Variants in ATP2B2 observed in about 807,000 individuals in gnomAD.
ATP2B2 encodes plasma membrane calcium-transporting ATPase 2.
In ATP2B2, 15 loss-of-function variants were observed where a neutral mutation model predicts 120.0. The ratio of observed to expected loss-of-function variants is 0.12; its 90% CI spans 0.08 to 0.19. The LOEUF is 0.19. Ranked by LOEUF, ATP2B2 falls within the 10% of genes least tolerant of loss-of-function variation. The probability of loss-of-function intolerance (pLI) is 1.00; values close to 1 mark genes in which losing one functional copy is unlikely to be tolerated. For synonymous variants in ATP2B2, 694 were observed against 700.3 expected (o/e 0.99, Z 0.14); for missense variants, 1,045 against 1,719.8 (o/e 0.61, Z 6.94).
At chr3:10,475,451 T>C (rs1003645934) in intron 1 of ATP2B2, among the ~76,000 whole-genome samples, 17 of 152,222 alleles carry the variant, frequency 1.1e-4, no homozygotes, top group African/African-American at 3.9e-4. Context: ...GGATGATTTA[T>C]TGAGCACCTA....
At chr3:10,338,000 T>A (rs1210579652) in intron 22 of ATP2B2, among the ~76,000 whole-genome samples, 176 bp downstream of exon 22, 1 of 152,148 alleles carries the variant, frequency 6.6e-6, no homozygotes, top group Non-Finnish European at 1.5e-5. Context: ...GTGCTGTTCC[T>A]TAGCAGCCAC....
At chr3:10,556,768 ATTCT>A (rs2067788792) in intron 2 of ATP2B2, among the ~76,000 whole-genome samples, 1 of 152,204 alleles carries the variant, frequency 6.6e-6, no homozygotes, top group Non-Finnish European at 1.5e-5. Context: ...CTATTTATGT[ATTCT>A]TTCTTATTTT....
rs1352623102 is a variant in ATP2B2 at position 10,410,778 on chromosome 3, C to T, written c.237G>A (p.Lys79=). The change falls in exon 3 of 23, where the codon AAG becomes AAA. Residue 79 remains lysine (K), a synonymous_variant. Transcript: ENST00000360273. ...GTATAAAGTTTTGCCCAAAAATTTG[C>T]TTTCTCTTTTCCAGGTCTGGAGCGG... is the stretch of plus-strand genomic sequence containing the variant. ...PGTAPDLEKR[K]QIFGQNFIPP... 2.5e-6 allele frequency: 4 copies of T among 1,614,156 alleles called. No individual in the cohort carries two copies. Among genetic ancestry groups the T allele is most frequent in the Admixed American group, 1.7e-5 (1 of 60,026 alleles).
chr3:10,436,648 A>T (rs1229116779), intron 2 of ATP2B2, among the ~76,000 whole-genome samples: 1 of 152,222 alleles, frequency 6.6e-6, no homozygotes, highest in Non-Finnish European at 1.5e-5. Context: ...CTTCTGGAAA[A>T]TTGAGCTGGG....
At chr3:10,450,452 C>G (rs1464397425) in intron 1 of ATP2B2, among the ~76,000 whole-genome samples, 1 of 152,188 alleles carries the variant, frequency 6.6e-6, no homozygotes, top group African/African-American at 2.4e-5. Flanking sequence ...CCCATGCCAC[C>G]TGTGTCCACC....
intron 1 of ATP2B2, among the ~76,000 whole-genome samples, chr3:10,479,976 T>A (rs1338558337): frequency 1.3e-5 from 2 of 152,112 alleles, no homozygotes; most frequent in African/African-American, 4.8e-5. Context: ...ATGCCTGTAG[T>A]CCCAGCTACT....
intron 3 of ATP2B2, among the ~76,000 whole-genome samples, chr3:10,409,882 A>G (rs916799067): frequency 1.3e-5 from 2 of 152,224 alleles, no homozygotes; most frequent in African/African-American, 4.8e-5. Context: ...ATGAATCACA[A>G]AAAAGTATTT....
chr3:10,373,921 T>C (rs965236562), intron 11 of ATP2B2, among the ~76,000 whole-genome samples: 26 of 152,088 alleles, frequency 1.7e-4, no homozygotes, highest in South Asian at 4.2e-4. Context: ...ATTCTGTCTC[T>C]TTTTGGGCAG....
chr3:10,649,493 T>C (rs1483025588), intron 1 of ATP2B2, among the ~76,000 whole-genome samples: 6 of 152,208 alleles, frequency 3.9e-5, no homozygotes, highest in Non-Finnish European at 7.3e-5. Flanking sequence ...ACAAACTCTC[T>C]TCCAGCACAG....
chr3:10,449,798 C>T lies in ATP2B2; in HGVS notation c.-255G>A, dbSNP rs1342269546. On this transcript the variant is annotated 5_prime_UTR_variant, in exon 2 of 23. Transcript: ENST00000360273. ...GGCTCAGGGCTGTAGACCCAGGAGT[C>T]TCCATTCAGTGGGGCCCATGCTGCT... 1 of 551,702 alleles carries T rather than the reference C, an allele frequency of 1.8e-6. No homozygotes were observed. Among genetic ancestry groups the T allele is most frequent in the Non-Finnish European group, 3.3e-6 (1 of 305,902 alleles). The allele number at this position is 551,702 out of a possible 1,614,324, so 34.2% of individuals were successfully genotyped here. A position where few individuals can be genotyped will look rare whatever the true frequency, so the allele number is the denominator to read the frequency against.
Position 10,338,190 on chromosome 3 carries a change from G to A in ATP2B2, c.3406C>T (p.Arg1136Trp). The change falls in exon 22 of 23, where the codon CGG becomes TGG. Residue 1136 changes from arginine (R) to tryptophan (W), a missense_variant. By Grantham distance (101) the Arg-to-Trp change is moderately radical. This residue lies in a region of ATP2B2 where 211 missense variants were observed against 385.1 expected (regional missense o/e 0.55). Transcript: ENST00000360273. ...GCCTCCTGTACCTGTGTCTGGATCC[G>A]ATTCAGGCCTCGGAACCACAGGATC... is the stretch of plus-strand genomic sequence containing the variant. ...GQILWFRGLN[R>W]IQTQIRVVKA... is the part of the protein sequence containing the mutation. 1 of 1,614,004 alleles carries A rather than the reference G, an allele frequency of 6.2e-7. No individual in the cohort carries two copies. The highest frequency in any genetic ancestry group is 1.7e-5 in the Admixed American group (1 of 60,028).
chr3:10,679,695 T>C (rs940692944), intron 1 of ATP2B2, among the ~76,000 whole-genome samples: 1 of 152,218 alleles, frequency 6.6e-6, no homozygotes, highest in African/African-American at 2.4e-5. Context: ...TCACACCAGG[T>C]AATTCTATAC....
At chr3:10,379,102 C>T in intron 9 of ATP2B2, 141 bp downstream of exon 9, 1 of 1,012,436 alleles carries the variant, frequency 9.9e-7, no homozygotes, top group South Asian at 1.4e-5. Context: ...ATCACAGCTA[C>T]ACCCCCAAGG....
intron 5 of ATP2B2, among the ~76,000 whole-genome samples, chr3:10,395,561 C>A (rs529488112): frequency 5.3e-5 from 8 of 152,334 alleles, no homozygotes; most frequent in African/African-American, 1.9e-4. Flanking sequence ...TTAGCAACAG[C>A]CGAATCAGAG....
chr3:10,474,751 T>C (rs1001059376), intron 1 of ATP2B2, among the ~76,000 whole-genome samples: 2 of 152,276 alleles, frequency 1.3e-5, no homozygotes, highest in African/African-American at 4.8e-5. Flanking sequence ...TCCCCTGCCA[T>C]AAATGCCCTC....
intron 2 of ATP2B2, among the ~76,000 whole-genome samples, chr3:10,552,267 G>A (rs1169254400): frequency 2.6e-5 from 4 of 152,244 alleles, no homozygotes; most frequent in African/African-American, 4.8e-5. Context: ...ACTCTGTAAA[G>A]AAAAGGGGAA....
chr3:10,658,222 G>C (rs1296324265), intron 1 of ATP2B2, among the ~76,000 whole-genome samples: 1 of 152,228 alleles, frequency 6.6e-6, no homozygotes, highest in East Asian at 1.9e-4. Context: ...CTCCGCACCA[G>C]CAATGCAACA....
At chr3:10,469,845 T>C (rs1183233468) in intron 1 of ATP2B2, among the ~76,000 whole-genome samples, 1 of 152,012 alleles carries the variant, frequency 6.6e-6, no homozygotes, top group Non-Finnish European at 1.5e-5. Flanking sequence ...CCTCCAGCCT[T>C]TGGGGAGAGG....
intron 2 of ATP2B2, among the ~76,000 whole-genome samples, chr3:10,433,749 A>G (rs2063393878): frequency 6.6e-6 from 1 of 152,206 alleles, no homozygotes. Flanking sequence ...GGTAGTTCCT[A>G]GGCACCCAGC....
Sources: gnomAD v4.1 joint callset for allele counts (sites outside exome capture counted in the v4.1 genomes callset) on GRCh38, gnomAD v4.1.1 for gene constraint, gnomAD v4.1.1 regional missense constraint, MANE v1.5 for transcripts, NCBI Gene and HGNC (gene_info 2026-07-23, HGNC 2026-07-21) for gene names.